CRISPLD2: variants seen among roughly 807,000 people sequenced by gnomAD.
CRISPLD2 encodes the protein cysteine rich secretory protein LCCL domain containing 2.
A neutral mutation model predicts 71.1 loss-of-function variants in CRISPLD2; 47 were observed. That is an observed-to-expected ratio of 0.66 (90% CI 0.52 to 0.84). The LOEUF (loss-of-function observed/expected upper bound fraction) is 0.84, where lower values mean the gene tolerates loss of function less well. CRISPLD2 is among the 40% of genes least tolerant of loss of function. CRISPLD2 has a pLI of 0.00. For missense variants in CRISPLD2, 830 were observed against 651.1 expected, an observed-to-expected ratio of 1.27 and a Z score of -2.99; for synonymous variants, 317 against 250.1, an observed-to-expected ratio of 1.27 and a Z score of -2.52.
chr16:84,849,349 G>C (rs371094053), intron 3 of CRISPLD2, 36 bp from the exon 4 acceptor site: 2 of 1,577,804 alleles, frequency 1.3e-6, no homozygotes, highest in Non-Finnish European at 8.7e-7. Flanking sequence ...GGTGAGGGGA[G>C]GGGCTGGGAC....
chr16:84,905,691 C>T (rs1048104897), intron 14 of CRISPLD2, among the ~76,000 whole-genome samples: 1 of 138,160 alleles, frequency 7.2e-6, no homozygotes, highest in Non-Finnish European at 1.5e-5. Context: ...AGCCACCGTG[C>T]CTGACCAATA....
chr16:84,836,536 C>T (rs1376518484), intron 1 of CRISPLD2: 2 of 152,196 alleles, frequency 1.3e-5, no homozygotes, highest in African/African-American at 4.8e-5. Flanking sequence ...CTCCTCTCCG[C>T]ATGGGGTTAT....
intron 1 of CRISPLD2, among the ~76,000 whole-genome samples, chr16:84,820,337 C>T (rs189266633): frequency 6.6e-6 from 1 of 152,290 alleles, no homozygotes; most frequent in East Asian, 1.9e-4. Context: ...CTCATTTGTC[C>T]AGGACCTCGC....
At chr16:84,894,921 G>C (rs12051151) in intron 14 of CRISPLD2, among the ~76,000 whole-genome samples, 27,349 of 151,718 alleles carry the variant, frequency 0.18, 2,576 homozygotes, top group Middle Eastern at 0.24. Flanking sequence ...TATGGGTCTA[G>C]AAATCCTGAG....
intron 2 of CRISPLD2, among the ~76,000 whole-genome samples, chr16:84,843,471 C>T (rs1260061176): frequency 6.6e-6 from 1 of 152,202 alleles, no homozygotes; most frequent in African/African-American, 2.4e-5. Context: ...TATGAGTGGA[C>T]AGGCTCTGGA....
chr16:84,868,304 C>T (rs1163145836), intron 7 of CRISPLD2, among the ~76,000 whole-genome samples: 1 of 152,194 alleles, frequency 6.6e-6, no homozygotes, highest in Non-Finnish European at 1.5e-5. Context: ...GTTTATGTCC[C>T]TTTTCAAACT....
intron 12 of CRISPLD2, 92 bp from the exon 13 acceptor site, chr16:84,880,417 C>G: frequency 4.0e-6 from 4 of 1,009,166 alleles, no homozygotes; most frequent in Non-Finnish European, 5.8e-6. Flanking sequence ...CATCTACGAA[C>G]TTAAATCTTG....
At chr16:84,872,638 TG>T in intron 9 of CRISPLD2, 130 bp downstream of exon 9, 1 of 813,406 alleles carries the variant, frequency 1.2e-6, no homozygotes, top group South Asian at 1.7e-5. Flanking sequence ...TTTCTAGAAC[TG>T]GGGCGGGTGT....
chr16:84,826,955 C>G (rs1187844104), intron 1 of CRISPLD2, among the ~76,000 whole-genome samples: 1 of 152,206 alleles, frequency 6.6e-6, no homozygotes, highest in Non-Finnish European at 1.5e-5. Flanking sequence ...AGTCTTCAAA[C>G]AGAGGTCAGA....
At chr16:84,882,625 G>A (rs188544986) in intron 13 of CRISPLD2, among the ~76,000 whole-genome samples, 15 of 152,192 alleles carry the variant, frequency 9.9e-5, no homozygotes, top group Non-Finnish European at 1.8e-4. Context: ...GGCTGGTCTC[G>A]AACCCCTGAC....
At chr16:84,897,821 T>G (rs933455429) in intron 14 of CRISPLD2, among the ~76,000 whole-genome samples, 2 of 152,254 alleles carry the variant, frequency 1.3e-5, no homozygotes, top group Admixed American at 6.5e-5. Flanking sequence ...TTCGCCATGT[T>G]GGCCAGGCTG....
At chr16:84,879,472 C>T (rs1265014117) in intron 12 of CRISPLD2, among the ~76,000 whole-genome samples, 2 of 151,846 alleles carry the variant, frequency 1.3e-5, no homozygotes, top group Admixed American at 6.6e-5. Context: ...AAGCCATTCT[C>T]CTGCCTCAGC....
At chr16:84,832,015 G>A (rs1015472256) in intron 1 of CRISPLD2, among the ~76,000 whole-genome samples, 6 of 152,250 alleles carry the variant, frequency 3.9e-5, no homozygotes, top group African/African-American at 7.2e-5. Context: ...GATTGCAGGC[G>A]TGAGCCGCCA....
At chr16:84,891,476 A>G (rs1045170039) in intron 14 of CRISPLD2, among the ~76,000 whole-genome samples, 29 of 152,154 alleles carry the variant, frequency 1.9e-4, no homozygotes, top group African/African-American at 6.8e-4. Context: ...CTCCTTCAGC[A>G]CGTGCGGCCT....
At chr16:84,885,316 T>A (rs1385129040) in intron 13 of CRISPLD2, among the ~76,000 whole-genome samples, 1 of 152,262 alleles carries the variant, frequency 6.6e-6, no homozygotes, top group African/African-American at 2.4e-5. Context: ...TCTTAAAGTC[T>A]CCTCGCTTCT....
At chr16:84,861,311 A>C (rs1917373399) in intron 6 of CRISPLD2, among the ~76,000 whole-genome samples, 1 of 152,194 alleles carries the variant, frequency 6.6e-6, no homozygotes, top group South Asian at 2.1e-4. Context: ...CTCTAGAGCA[A>C]CAGAACTAAT....
At chr16:84,868,785 TG>T in intron 7 of CRISPLD2, 65 bp from the exon 8 acceptor site, 1 of 1,263,946 alleles carries the variant, frequency 7.9e-7, no homozygotes, top group Non-Finnish European at 1.2e-6. Flanking sequence ...TCCCTCAGCA[TG>T]GGGAAGGGTC....
chr16:84,874,575 A>G (rs1281124042), intron 11 of CRISPLD2, among the ~76,000 whole-genome samples: 1 of 152,222 alleles, frequency 6.6e-6, no homozygotes, highest in Non-Finnish European at 1.5e-5. Context: ...AGGATGTAGG[A>G]GCCATTCCAG....
intron 6 of CRISPLD2, among the ~76,000 whole-genome samples, chr16:84,865,105 TAAG>T (rs1917498389): frequency 6.6e-6 from 1 of 152,134 alleles, no homozygotes; most frequent in Non-Finnish European, 1.5e-5. Flanking sequence ...TCATGTATTT[TAAG>T]AAGTGGAGCT....
Sources: gnomAD v4.1 joint callset for allele counts (sites outside exome capture counted in the v4.1 genomes callset) on GRCh38, gnomAD v4.1.1 for gene constraint, MANE v1.5 for transcripts, NCBI Gene and HGNC (gene_info 2026-07-23, HGNC 2026-07-21) for gene names.